RABGAP1L: variants seen among roughly 807,000 people sequenced by gnomAD.
The protein encoded by RABGAP1L is rab GTPase-activating protein 1-like.
RABGAP1L carries 63 observed loss-of-function variants against 137.7 expected under a neutral mutation model. The ratio of observed to expected loss-of-function variants is 0.46; its 90% CI spans 0.37 to 0.56. RABGAP1L has a LOEUF of 0.56. Ranked by LOEUF, RABGAP1L falls within the 20% of genes least tolerant of loss-of-function variation. The probability of loss-of-function intolerance (pLI) is 0.00; values close to 1 mark genes in which losing one functional copy is unlikely to be tolerated. For synonymous variants in RABGAP1L, 431 were observed against 433.7 expected (o/e 0.99, Z 0.08); for missense variants, 1,095 against 1,244.0 (o/e 0.88, Z 1.80).
intron 13 of RABGAP1L, among the ~76,000 whole-genome samples, chr1:174,507,902 T>C (rs1207406784): frequency 1.3e-5 from 2 of 152,176 alleles, no homozygotes; most frequent in Non-Finnish European, 2.9e-5. Context: ...AACCATGGTT[T>C]ATTTCGTTTT....
At chr1:174,616,208 C>T (rs146233025) in intron 13 of RABGAP1L, among the ~76,000 whole-genome samples, 20 of 152,274 alleles carry the variant, frequency 1.3e-4, no homozygotes, top group African/African-American at 3.9e-4. Context: ...TGTTCCTATT[C>T]GGCCATTTTG....
intron 13 of RABGAP1L, among the ~76,000 whole-genome samples, chr1:174,579,151 A>G (rs553441569): frequency 3.3e-5 from 5 of 152,186 alleles, no homozygotes; most frequent in African/African-American, 7.2e-5. Flanking sequence ...GTTGAGTACA[A>G]TGTTGTAAAC....
intron 10 of RABGAP1L, among the ~76,000 whole-genome samples, chr1:174,299,869 G>A (rs12164569): frequency 1.3e-4 from 20 of 152,120 alleles, no homozygotes; most frequent in African/African-American, 4.8e-4. Flanking sequence ...GTTTGAGAGC[G>A]ACTGTTAAAG....
At chr1:174,919,044 A>T (rs1661367648) in intron 19 of RABGAP1L, among the ~76,000 whole-genome samples, 2 of 144,880 alleles carry the variant, frequency 1.4e-5, no homozygotes, top group African/African-American at 5.1e-5. Flanking sequence ...TTTGAGACAG[A>T]GTCTTGCTCT....
At chr1:174,720,605 C>T (rs1454207754) in intron 17 of RABGAP1L, among the ~76,000 whole-genome samples, 3 of 152,116 alleles carry the variant, frequency 2.0e-5, no homozygotes, top group Non-Finnish European at 2.9e-5. Flanking sequence ...CTTGAGCCAC[C>T]GGTCCCGGCT....
intron 11 of RABGAP1L, among the ~76,000 whole-genome samples, chr1:174,352,302 G>C (rs906948696): frequency 7.9e-5 from 12 of 151,884 alleles, no homozygotes; most frequent in Admixed American, 7.9e-4. Context: ...CAAATAGGCT[G>C]TCTTCAAGGT....
intron 13 of RABGAP1L, among the ~76,000 whole-genome samples, chr1:174,483,806 GA>G (rs1226486610): frequency 6.7e-6 from 1 of 148,352 alleles, no homozygotes; most frequent in Non-Finnish European, 1.5e-5. Flanking sequence ...CAGCCTGAGT[GA>G]CAACTCCATC....
At chr1:174,540,379 C>G (rs1002057281) in intron 13 of RABGAP1L, among the ~76,000 whole-genome samples, 1 of 152,268 alleles carries the variant, frequency 6.6e-6, no homozygotes, top group Non-Finnish European at 1.5e-5. Flanking sequence ...ATGCCAATGT[C>G]CTAAATGGTA....
intron 11 of RABGAP1L, among the ~76,000 whole-genome samples, chr1:174,329,758 A>G (rs577854407): frequency 6.6e-6 from 1 of 152,314 alleles, no homozygotes; most frequent in Admixed American, 6.5e-5. Flanking sequence ...CAGAGAGAGC[A>G]TGTGACAGAC....
intron 13 of RABGAP1L, among the ~76,000 whole-genome samples, chr1:174,452,743 A>G (rs1655582148): frequency 6.6e-6 from 1 of 151,928 alleles, no homozygotes; most frequent in Admixed American, 6.6e-5. Flanking sequence ...TTGTATTTTT[A>G]GTAGAGCCGG....
intron 17 of RABGAP1L, among the ~76,000 whole-genome samples, chr1:174,719,444 C>G (rs901101969): frequency 6.6e-6 from 1 of 152,120 alleles, no homozygotes; most frequent in Non-Finnish European, 1.5e-5. Flanking sequence ...TAGAACCAAT[C>G]AGTCAACAAG....
intron 17 of RABGAP1L, among the ~76,000 whole-genome samples, chr1:174,732,216 T>G (rs566542613): frequency 7.0e-6 from 1 of 143,392 alleles, no homozygotes; most frequent in Non-Finnish European, 1.5e-5. Flanking sequence ...AAAAAAAACA[T>G]GGATTGTTAG....
chr1:174,851,258 T>A (rs1648277810), intron 19 of RABGAP1L, among the ~76,000 whole-genome samples: 1 of 152,184 alleles, frequency 6.6e-6, no homozygotes, highest in Admixed American at 6.5e-5. Flanking sequence ...TTTCAGAGGC[T>A]TTAGAGATGG....
In RABGAP1L at chr1:174,833,449, G is replaced by GATATATAT. The variant is rs760181639; in HGVS notation, c.2340+21501_2340+21508dup. The stretch of plus-strand genomic sequence containing the variant: ...ATATATATATGTGTGTGTGTGTAGA[G>GATATATAT]ATATATATATATATATATAGTAGAG... On this transcript the variant is annotated intron_variant, in intron 19 of 25. Transcript: ENST00000681986. 9.0e-4 allele frequency among the ~76,000 whole-genome samples: 25 copies of GATATATAT among 27,850 alleles called. 6 individuals are homozygous for GATATATAT. Among genetic ancestry groups the GATATATAT allele is most frequent in the Middle Eastern group, 0.05 (2 of 40 alleles). The allele number at this position is 27,850 out of a possible 152,430, so 18.3% of individuals were successfully genotyped here.
chr1:174,820,478 T>C (rs1379051100), intron 19 of RABGAP1L, among the ~76,000 whole-genome samples: 3 of 152,032 alleles, frequency 2.0e-5, no homozygotes, highest in Admixed American at 2.0e-4. Context: ...ACCACAGGGT[T>C]GAGGAGATGA....
chr1:174,494,116 C>T (rs1156419649), intron 13 of RABGAP1L, among the ~76,000 whole-genome samples: 1 of 152,102 alleles, frequency 6.6e-6, no homozygotes, highest in Non-Finnish European at 1.5e-5. Flanking sequence ...TGGCATTGAT[C>T]TATTTCTTTT....
At chr1:174,603,892 T>C (rs1410098588) in intron 13 of RABGAP1L, among the ~76,000 whole-genome samples, 1 of 151,906 alleles carries the variant, frequency 6.6e-6, no homozygotes, top group Non-Finnish European at 1.5e-5. Flanking sequence ...TGGTGCCCTA[T>C]TCTACTGTGG....
At chr1:174,635,235 C>G (rs1046963321) in intron 13 of RABGAP1L, among the ~76,000 whole-genome samples, 2 of 152,122 alleles carry the variant, frequency 1.3e-5, no homozygotes, top group Non-Finnish European at 2.9e-5. Flanking sequence ...AACGATTTCT[C>G]TCTCTTAATG....
At chr1:174,326,733 C>G (rs1680469764) in intron 11 of RABGAP1L, among the ~76,000 whole-genome samples, 1 of 152,044 alleles carries the variant, frequency 6.6e-6, no homozygotes, top group South Asian at 2.1e-4. Context: ...AGGTTTAACC[C>G]AAATAAAACA....
Sources: allele counts gnomAD v4.1 joint callset (sites outside exome capture counted in the v4.1 genomes callset), GRCh38; gene constraint gnomAD v4.1.1; transcripts MANE v1.5; gene names NCBI Gene and HGNC (gene_info 2026-07-23, HGNC 2026-07-21).